LYSMD4: variants seen among roughly 807,000 people sequenced by gnomAD.
LYSMD4 encodes LysM domain containing 4.
A neutral mutation model predicts 6.1 loss-of-function variants in LYSMD4; 9 were observed. That is an observed-to-expected ratio of 1.47 (90% confidence interval 0.88 to 2.56). LYSMD4 has a LOEUF of 2.56. Among genes scored for constraint, LYSMD4 ranks in the 30% most tolerant of loss-of-function variants. LYSMD4 has a pLI of 0.00. For missense variants in LYSMD4, 384 were observed against 373.5 expected (o/e 1.03, Z -0.23); for synonymous variants, 143 against 148.5 (o/e 0.96, Z 0.27).
In LYSMD4 at chr15:99,729,201, G is replaced by A. The variant is rs773397157; in HGVS notation, c.813C>T (p.Ala271=). 3 of 1,614,114 alleles carry A rather than the reference G, an allele frequency of 1.9e-6. No individual in the cohort carries two copies. Among genetic ancestry groups the A allele is most frequent in the Admixed American group, 1.7e-5 (1 of 60,010 alleles). The change falls in exon 3 of 3, where the codon GCC becomes GCT. Residue 271 remains alanine, a synonymous_variant. Coordinates refer to ENST00000684762, the MANE Select transcript of LYSMD4 (RefSeq NM_001284417.2). ...SMAMGTVPGQ[A]PRLAVAVPAV... Reference sequence around the variant, plus strand: ...CTGGCACTGCAACTGCTAGTCTGGGGGCTTGCCCTGGAACTGTACCCATTG... The same window carrying A: ...CTGGCACTGCAACTGCTAGTCTGGGAGCTTGCCCTGGAACTGTACCCATTG...
chr15:99,730,358 C>T (rs753130943), intron 2 of LYSMD4, among the ~76,000 whole-genome samples: 22 of 152,200 alleles, frequency 1.4e-4, no homozygotes, highest in Non-Finnish European at 2.9e-4. Context: ...AGGAATAATG[C>T]TGTGAGTTTT....
exon 1 of LYSMD4, chr15:99,716,887 TTTA>T (rs1390904082): frequency 1.1e-5 from 4 of 350,278 alleles, no homozygotes; most frequent in African/African-American, 8.6e-5. Flanking sequence ...TCTGGGTCTC[TTTA>T]AAGTCTAGGG....
intron 1 of LYSMD4, chr15:99,733,111 CGG>C (rs1034558607): frequency 1.6e-5 from 6 of 364,580 alleles, no homozygotes; most frequent in Non-Finnish European, 2.9e-5. Flanking sequence ...GCTCCACGGG[CGG>C]GGCCCTAACA....
At chr15:99,724,625 TA>T (rs376208485), downstream of LYSMD4, among the ~76,000 whole-genome samples, 29 of 152,356 alleles carry the variant, frequency 1.9e-4, 1 homozygote, top group East Asian at 3.7e-3. Flanking sequence ...CATGTCATGT[TA>T]TCCCATCACC....
chr15:99,732,037 C>T (rs1188198768), intron 1 of LYSMD4, 30 bp from the exon 2 acceptor site: 2 of 1,523,718 alleles, frequency 1.3e-6, no homozygotes, highest in African/African-American at 1.4e-5. Flanking sequence ...GTTAATTCCA[C>T]AGAAGACATA....
chr15:99,721,042 C>T (rs1036418932), upstream of LYSMD4: 1 of 152,232 alleles, frequency 6.6e-6, no homozygotes, highest in East Asian at 1.9e-4. Context: ...ACCACTGCCC[C>T]CTTTGTCTAA....
chr15:99,725,453 T>TG (rs965952730), downstream of LYSMD4, among the ~76,000 whole-genome samples: 6 of 152,184 alleles, frequency 3.9e-5, no homozygotes, highest in African/African-American at 1.4e-4. Context: ...ACGATCGCGA[T>TG]GGCCCCCTAG....
At chr15:99,731,493 G>T (rs2059410142) in intron 2 of LYSMD4, 1 of 1,590,426 alleles carries the variant, frequency 6.3e-7, no homozygotes, top group African/African-American at 1.4e-5. Context: ...TCCCTGCAGA[G>T]AAAGAAATGC....
At chr15:99,729,802 T>C in intron 2 of LYSMD4, 71 bp from the exon 3 acceptor site, 1 of 1,492,122 alleles carries the variant, frequency 6.7e-7, no homozygotes, top group Non-Finnish European at 8.9e-7. Context: ...AAAAAGTGGC[T>C]CTTAATCTTT....
downstream of LYSMD4, among the ~76,000 whole-genome samples, chr15:99,723,581 A>C (rs1412778949): frequency 6.6e-6 from 1 of 152,140 alleles, no homozygotes; most frequent in East Asian, 1.9e-4. Context: ...CTCTGGCCTG[A>C]GCGTGCCCCT....
At chr15:99,731,582 G>T in intron 2 of LYSMD4, 136 bp downstream of exon 2, 9 of 1,526,482 alleles carry the variant, frequency 5.9e-6, no homozygotes, top group Non-Finnish European at 7.9e-6. Flanking sequence ...CTAAATAGGG[G>T]AGTCCTTGGC....
chr15:99,731,465 A>G (rs2059409092), intron 2 of LYSMD4: 1 of 1,599,962 alleles, frequency 6.3e-7, no homozygotes. Context: ...GTGTGGAGAA[A>G]ACAGGAAAAG....
chr15:99,723,431 TTG>T (rs947126400), downstream of LYSMD4, among the ~76,000 whole-genome samples: 9 of 152,254 alleles, frequency 5.9e-5, no homozygotes, highest in African/African-American at 2.2e-4. Flanking sequence ...CTCTTTCTTA[TTG>T]TGGTAACTGC....
At chr15:99,722,767 G>A (rs2059246893), downstream of LYSMD4, among the ~76,000 whole-genome samples, 1 of 152,120 alleles carries the variant, frequency 6.6e-6, no homozygotes, top group African/African-American at 2.4e-5. Context: ...AGGCCCAACG[G>A]CTCATGCCTC....
chr15:99,717,924 T>TA (rs1180785729), upstream of LYSMD4: 2 of 152,244 alleles, frequency 1.3e-5, no homozygotes, highest in African/African-American at 4.8e-5. Flanking sequence ...ACTTTTGACT[T>TA]ACAGAAAAGT....
chr15:99,728,024 C>G lies in LYSMD4; in HGVS notation c.*1099G>C, dbSNP rs954959148. On this transcript the variant is annotated 3_prime_UTR_variant, in exon 3 of 3. Coordinates refer to ENST00000684762, the MANE Select transcript of LYSMD4 (RefSeq NM_001284417.2). ...GGCTGGGAAAACTGCAAGCCCCTTC[C>G]TCCCTCAGGTGTTCTGATCGCCTTT... 1 of 152,398 alleles carries G rather than the reference C, an allele frequency of 6.6e-6. No individual in the cohort carries two copies. Among genetic ancestry groups the G allele is most frequent in the African/African-American group, 2.4e-5 (1 of 41,470 alleles). 9.4% of individuals were successfully genotyped at this position (152,398 alleles called of 1,614,324 possible). A position where few individuals can be genotyped will look rare whatever the true frequency, so the allele number is the denominator to read the frequency against.
At chr15:99,731,243 C>T (rs1227887762) in intron 2 of LYSMD4, 2 of 1,607,128 alleles carry the variant, frequency 1.2e-6, no homozygotes, top group Non-Finnish European at 8.5e-7. Flanking sequence ...AGATACACAG[C>T]ATACAAAAGA....
chr15:99,729,844 G>A (rs1283768437), intron 2 of LYSMD4, 113 bp from the exon 3 acceptor site: 20 of 1,294,258 alleles, frequency 1.5e-5, no homozygotes, highest in East Asian at 7.4e-5. Flanking sequence ...CTTCACTGAC[G>A]AATCTGATGA....
At chr15:99,716,692 C>G (rs1373629229) in exon 1 of LYSMD4, 1 of 456,786 alleles carries the variant, frequency 2.2e-6, no homozygotes, top group East Asian at 6.9e-5. Context: ...CCCGGGTCAT[C>G]CCTGCTGGGC....
Sources: allele counts gnomAD v4.1 joint callset (sites outside exome capture counted in the v4.1 genomes callset), GRCh38; gene constraint gnomAD v4.1.1; transcripts MANE v1.5; gene names NCBI Gene and HGNC (gene_info 2026-07-23, HGNC 2026-07-21).